BNIP3: variants seen among roughly 807,000 people sequenced by gnomAD.
BNIP3 encodes BCL2/adenovirus E1B 19 kDa protein-interacting protein 3.
BNIP3 carries 16 observed loss-of-function variants against 23.9 expected under a neutral mutation model. The observed-to-expected ratio is 0.67, with a 90% CI of 0.45 to 1.01. The LOEUF is 1.01. Ranked by LOEUF, BNIP3 falls within the 50% of genes least tolerant of loss-of-function variation. BNIP3 has a pLI of 0.00. For missense variants in BNIP3, 198 were observed against 248.7 expected (o/e 0.80, Z 1.37); for synonymous variants, 81 against 89.3 (o/e 0.91, Z 0.53).
chr10:131,980,504 T>C (rs988646484), intron 1 of BNIP3: 4 of 150,982 alleles, frequency 2.6e-5, no homozygotes, highest in African/African-American at 9.8e-5. Flanking sequence ...CCCAGCACTT[T>C]GGGAGGCCGA....
chr10:131,972,545 C>T (rs2037044386), intron 3 of BNIP3, among the ~76,000 whole-genome samples: 1 of 152,204 alleles, frequency 6.6e-6, no homozygotes, highest in African/African-American at 2.4e-5. Context: ...GAGGAAGACA[C>T]CTCAGAGTCA....
Position 131,970,246 on chromosome 10 carries a change from G to T in BNIP3, c.539+392C>A. ...ACTAGAACAACAGTCCTGTCTGGAG[G>T]AAGTACAGCAGGTAACTGAGACCCT... On this transcript the variant is annotated intron_variant, in intron 5 of 5. Transcript: ENST00000368636. This position sits in a 1 kb window ranked among gnomAD's most constrained non-coding sequence, Gnocchi z 4.1. 1 of 213,114 alleles carries T rather than the reference G, an allele frequency of 4.7e-6. No homozygotes were observed. The highest frequency in any genetic ancestry group is 9.4e-5 in the South Asian group (1 of 10,628). The allele number at this position is 213,114 out of a possible 1,614,324, so 13.2% of individuals were successfully genotyped here.
Position 131,976,770 on chromosome 10 carries a change from A to G in BNIP3, c.47-2827T>C, listed in dbSNP as rs375534308. On this transcript the variant is annotated intron_variant, in intron 1 of 5. Coordinates refer to ENST00000368636, the MANE Select transcript of BNIP3 (RefSeq NM_004052.4). This position sits in a 1 kb window ranked among gnomAD's most constrained non-coding sequence, Gnocchi z 4.3. ...GGCTGCCCTGGGAATTTCTACCTCA[A>G]GTAACTATCCTGGGGCCACCCTTGA... is the stretch of plus-strand genomic sequence containing the variant. Among the ~76,000 whole-genome samples, 181 of 152,038 alleles carry G rather than the reference A, an allele frequency of 1.2e-3. No homozygotes were observed. The highest frequency in any genetic ancestry group is 3.9e-3 in the African/African-American group (160 of 41,450).
chr10:131,975,087 C>G (rs182648548), intron 1 of BNIP3, among the ~76,000 whole-genome samples: 3 of 152,310 alleles, frequency 2.0e-5, no homozygotes, highest in Admixed American at 2.0e-4. Context: ...CCTTCCTGAG[C>G]TGAGATATTC....
chr10:131,979,992 C>T (rs927623796), intron 1 of BNIP3, among the ~76,000 whole-genome samples: 9 of 151,688 alleles, frequency 5.9e-5, no homozygotes, highest in Non-Finnish European at 4.4e-5. Context: ...CCAACCCCGC[C>T]CACGCCGAGC....
intron 1 of BNIP3, among the ~76,000 whole-genome samples, chr10:131,974,337 T>C (rs1289771908): frequency 6.6e-6 from 1 of 152,250 alleles, no homozygotes; most frequent in East Asian, 1.9e-4. Context: ...ACAACACTAA[T>C]GTCAACATAA....
chr10:131,974,451 G>A (rs962832248), intron 1 of BNIP3, among the ~76,000 whole-genome samples: 1 of 152,224 alleles, frequency 6.6e-6, no homozygotes, highest in Non-Finnish European at 1.5e-5. Context: ...GCAGTGGCAC[G>A]ATGAAGGCTC....
At chr10:131,971,257 A>G (rs753886694) in intron 3 of BNIP3, 1 of 433,052 alleles carries the variant, frequency 2.3e-6, no homozygotes, top group Admixed American at 3.7e-5. Context: ...TTCTGGGGGT[A>G]CTGACAGCGG....
intron 1 of BNIP3, among the ~76,000 whole-genome samples, chr10:131,977,423 AGT>A (rs370615342): frequency 3.1e-4 from 47 of 152,318 alleles, no homozygotes; most frequent in African/African-American, 1.1e-3. Flanking sequence ...AGGAGAGACA[AGT>A]GTATCTCTGT....
rs1589975748 is a variant in BNIP3 at position 131,971,241 on chromosome 10, G to C, written c.283-271C>G. 16 of 462,278 alleles carry C rather than the reference G, an allele frequency of 3.5e-5. No individual in the cohort carries two copies. In the East Asian group the frequency reaches 6.9e-4, roughly 20 times the overall value. 28.6% of individuals were successfully genotyped at this position (462,278 alleles called of 1,614,324 possible). A position where few individuals can be genotyped will look rare whatever the true frequency, so the allele number is the denominator to read the frequency against. On this transcript the variant is annotated intron_variant, in intron 3 of 5. Transcript: ENST00000368636. The stretch of plus-strand genomic sequence containing the variant: ...AGGGCGTAAATACATTTGGTTCACT[G>C]TGAGATTCTGGGGGTACTGACAGCG...
At chr10:131,973,280 T>C (rs571569854) in intron 2 of BNIP3, 162 bp from the exon 3 acceptor site, 1 of 665,994 alleles carries the variant, frequency 1.5e-6, no homozygotes, top group African/African-American at 1.8e-5. Flanking sequence ...AGCCAAACTC[T>C]TCCTCAGCCC....
chr10:131,969,415 C>CA (rs898938979), intron 5 of BNIP3: 2 of 152,236 alleles, frequency 1.3e-5, no homozygotes, highest in Admixed American at 6.5e-5. Flanking sequence ...CTCCAGAAAG[C>CA]AAACTGCCTG....
chr10:131,981,892 G>A lies in BNIP3; in HGVS notation c.-86C>T, dbSNP rs1250994304. On this transcript the variant is annotated 5_prime_UTR_variant, in exon 1 of 6. Transcript: ENST00000368636. Reference sequence around the variant, plus strand: ...TGCGGGCGGTGGGAAAGCGGAGGTCGGAGCGCCGCGGCCCAGCTGCGCTCC... The same window carrying A: ...TGCGGGCGGTGGGAAAGCGGAGGTCAGAGCGCCGCGGCCCAGCTGCGCTCC... The A allele has an allele frequency of 3.0e-6, 4 of 1,351,328 alleles. No homozygotes were observed. Among genetic ancestry groups the A allele is most frequent in the East Asian group, 3.1e-5 (1 of 32,146 alleles). The allele number at this position is 1,351,328 out of a possible 1,614,324, so 83.7% of individuals were successfully genotyped here. A position where few individuals can be genotyped will look rare whatever the true frequency, so the allele number is the denominator to read the frequency against.
At chr10:131,975,654 C>T (rs914150985) in intron 1 of BNIP3, among the ~76,000 whole-genome samples, 4 of 152,192 alleles carry the variant, frequency 2.6e-5, no homozygotes, top group Non-Finnish European at 4.4e-5. Flanking sequence ...GCCTAGGCTC[C>T]ATACGCCACT....
intron 1 of BNIP3, among the ~76,000 whole-genome samples, chr10:131,979,607 T>C (rs1211623832): frequency 1.3e-5 from 2 of 152,092 alleles, no homozygotes; most frequent in African/African-American, 2.4e-5. Context: ...GCCAAGTTCA[T>C]GGCTACAGTG....
At chr10:131,973,165 T>C (rs763854762) in intron 2 of BNIP3, 47 bp from the exon 3 acceptor site, 21 of 1,586,018 alleles carry the variant, frequency 1.3e-5, no homozygotes, top group Non-Finnish European at 1.7e-5. Context: ...CATGTGAACA[T>C]TCTATCATTA....
chr10:131,974,543 A>G (rs1253136199), intron 1 of BNIP3, among the ~76,000 whole-genome samples: 1 of 151,606 alleles, frequency 6.6e-6, no homozygotes, highest in African/African-American at 2.4e-5. Flanking sequence ...ATGCACCACT[A>G]CTCCTGGCTA....
Position 131,981,803 on chromosome 10 carries a change from A to G in BNIP3, c.4T>C (p.Ser2Pro). ...TGCATCCCGGGCGCTCCGTTCTGCG[A>G]CATGGCGCCAGAGGGCAACTGCGGC... M[S>P]QNGAPGMQEE... The change falls in exon 1 of 6, where the codon TCG (serine) becomes CCG (proline). Residue 2 changes from serine to proline, a missense_variant. Coordinates refer to ENST00000368636, the MANE Select transcript of BNIP3 (RefSeq NM_004052.4). 6.8e-7 allele frequency: 1 copy of G among 1,480,166 alleles called. No homozygotes were observed. Among genetic ancestry groups the G allele is most frequent in the Non-Finnish European group, 8.9e-7 (1 of 1,120,920 alleles). 91.7% of individuals were successfully genotyped at this position (1,480,166 alleles called of 1,614,324 possible).
rs1186495953 is a variant in BNIP3 at position 131,976,630 on chromosome 10, C to T, written c.47-2687G>A. On this transcript the variant is annotated intron_variant, in intron 1 of 5. Coordinates refer to ENST00000368636, the MANE Select transcript of BNIP3 (RefSeq NM_004052.4). This position sits in a 1 kb window ranked among gnomAD's most constrained non-coding sequence, Gnocchi z 4.3. The stretch of plus-strand genomic sequence containing the variant: ...CGTCCCAACCCTAACCCCAACCACA[C>T]TCTCTGCAACCAGACTCCCACTTAC... 1.3e-5 allele frequency among the ~76,000 whole-genome samples: 2 copies of T among 152,052 alleles called. No homozygotes were observed. Among genetic ancestry groups the T allele is most frequent in the Non-Finnish European group, 2.9e-5 (2 of 68,008 alleles).
Sources: gnomAD v4.1 joint callset for allele counts (sites outside exome capture counted in the v4.1 genomes callset) on GRCh38, gnomAD v4.1.1 for gene constraint, Gnocchi (gnomAD v3.1) non-coding constraint, MANE v1.5 for transcripts, NCBI Gene and HGNC (gene_info 2026-07-23, HGNC 2026-07-21) for gene names.